The following ATPAF2 variants were observed in gnomAD, a reference collection of about 807,000 sequenced individuals.
The protein encoded by ATPAF2 is ATP synthase mitochondrial F1 complex assembly factor 2.
Under a neutral mutation model 36.6 loss-of-function variants are expected in ATPAF2, and 30 were observed. That is an observed-to-expected ratio of 0.82 (90% CI 0.61 to 1.11). The LOEUF (loss-of-function observed/expected upper bound fraction) is 1.11, where lower values mean the gene tolerates loss of function less well. ATPAF2 is among the 50% of genes most tolerant of loss of function. The pLI is 0.00. For synonymous variants in ATPAF2, 140 were observed against 152.6 expected, an observed-to-expected ratio of 0.92 and a Z score of 0.61; for missense variants, 321 against 372.3, an observed-to-expected ratio of 0.86 and a Z score of 1.13.
chr17:18,024,589 C>T (rs1436715866), intron 5 of ATPAF2, 35 bp downstream of exon 5: 1 of 1,582,168 alleles, frequency 6.3e-7, no homozygotes, highest in Non-Finnish European at 8.7e-7. Flanking sequence ...ACGCAGGTGC[C>T]CAGTCAGTGC....
chr17:18,018,662 A>G lies in ATPAF2; in HGVS notation c.757T>C (p.Trp253Arg), dbSNP rs2044420489. The change falls in exon 8 of 8, where the codon TGG (tryptophan) becomes CGG (arginine). Residue 253 changes from tryptophan to arginine, a missense_variant. Physicochemically the swap from Trp to Arg is moderately radical, Grantham distance 101. This residue lies in a region of ATPAF2 where 199 missense variants were observed against 220.6 expected (regional missense o/e 0.90). Transcript: ENST00000474627. Reference sequence around the variant, plus strand: ...TCCTGCAGCTCATAGTCATGGGCCCACTCAATGTTGCCCCACTTCTGGATC... The same window carrying G: ...TCCTGCAGCTCATAGTCATGGGCCCGCTCAATGTTGCCCCACTTCTGGATC... ...YQIQKWGNIE[W>R]AHDYELQELR... 1.2e-6 allele frequency: 2 copies of G among 1,613,964 alleles called. No homozygotes were observed. The highest frequency in any genetic ancestry group is 2.2e-5 in the South Asian group (2 of 91,080).
rs183327614 is a variant in ATPAF2, at chr17:18,018,227, G to T, written c.*322C>A. On this transcript the variant is annotated 3_prime_UTR_variant, in exon 8 of 8. Transcript: ENST00000474627. ...TAGACAAAACAGGAAGAATGGAGAA[G>T]TGCAGAGGCATACGTGAAAACAGGG... 1.7e-5 allele frequency: 7 copies of T among 406,554 alleles called. No individual in the cohort carries two copies. In the Admixed American group the frequency reaches 1.8e-4, roughly 10 times the overall value. 25.2% of individuals were successfully genotyped at this position (406,554 alleles called of 1,614,324 possible).
Position 18,028,215 on chromosome 17 carries a change from C to T in ATPAF2, c.324+17G>A. 1.2e-6 allele frequency: 2 copies of T among 1,614,190 alleles called. No individual in the cohort carries two copies. Among genetic ancestry groups the T allele is most frequent in the South Asian group, 1.1e-5 (1 of 91,084 alleles). ...GGGTGGGTCTCAGGGTCCAGGTTCA[C>T]ACTGTGAACTTGTTACCAGGTGCAT... On this transcript the variant is annotated intron_variant, in intron 3 of 7. Coordinates refer to ENST00000474627, the MANE Select transcript of ATPAF2 (RefSeq NM_145691.4).
At position 18,021,729 on chromosome 17, in the gene ATPAF2, G is replaced by C; in HGVS notation, c.616+16C>G. The C allele has an allele frequency of 1.2e-6, 2 of 1,611,344 alleles. No homozygotes were observed. Among genetic ancestry groups the C allele is most frequent in the Middle Eastern group, 1.8e-4 (1 of 5,624 alleles). ...TCACAGCCACCTGCCAAGCCCACAA[G>C]AAACTCCATACATGCCTTGTAAAGC... On this transcript the variant is annotated intron_variant, in intron 6 of 7. Coordinates refer to ENST00000474627, the MANE Select transcript of ATPAF2 (RefSeq NM_145691.4).
intron 3 of ATPAF2, 29 bp downstream of exon 3, chr17:18,028,203 G>C: frequency 6.2e-7 from 1 of 1,614,104 alleles, no homozygotes; most frequent in East Asian, 2.2e-5. Context: ...TGGGTCTCAG[G>C]GTCCAGGTTC....
At chr17:18,031,959 T>C (rs1318773909) in intron 1 of ATPAF2, among the ~76,000 whole-genome samples, 1 of 152,200 alleles carries the variant, frequency 6.6e-6, no homozygotes, top group Non-Finnish European at 1.5e-5. Flanking sequence ...CCTGGTCATA[T>C]CCAAATGGCA....
intron 1 of ATPAF2, among the ~76,000 whole-genome samples, chr17:18,033,476 T>C (rs1377727425): frequency 6.6e-6 from 1 of 151,634 alleles, no homozygotes; most frequent in Non-Finnish European, 1.5e-5. Flanking sequence ...GAAGCTTCCA[T>C]GTTCTCGGTG....
chr17:18,037,047 G>C (rs973450638), intron 1 of ATPAF2, among the ~76,000 whole-genome samples: 1 of 151,924 alleles, frequency 6.6e-6, no homozygotes, highest in Non-Finnish European at 1.5e-5. Flanking sequence ...TGCCAGCCTG[G>C]GTGACAAGTG....
intron 1 of ATPAF2, 46 bp downstream of exon 1, chr17:18,038,835 T>A (rs560189953): frequency 1.2e-6 from 2 of 1,609,430 alleles, no homozygotes; most frequent in Non-Finnish European, 1.7e-6. Flanking sequence ...GAAGCCCACC[T>A]TACCCCAGCT....
At chr17:18,016,428 G>A, downstream of ATPAF2, 1 of 791,858 alleles carries the variant, frequency 1.3e-6, no homozygotes, top group Non-Finnish European at 2.0e-6. Flanking sequence ...GCAGAACCTG[G>A]GGAGGCGCTG....
At position 18,038,977 on chromosome 17, in the gene ATPAF2, G is replaced by T. The variant is rs1001215448; in HGVS notation, c.37C>A (p.Arg13Ser). ...RSCLRLRDGGRRLLNRPAGGP... is the reference protein window; with the variant it reads ...RSCLRLRDGGSRLLNRPAGGP... The stretch of plus-strand genomic sequence containing the variant: ...CCCGCCGGCCGATTCAGGAGACGGC[G>T]TCCCCCGTCCCGCAGCCGGAGGCAG... The change falls in exon 1 of 8, where the codon CGC becomes AGC. Residue 13 changes from arginine to serine, a missense_variant. This residue lies in a region of ATPAF2 where 69 missense variants were observed against 60.1 expected (regional missense o/e 1.15). Transcript: ENST00000474627. 1.9e-6 allele frequency: 3 copies of T among 1,612,128 alleles called. No homozygotes were observed. The highest frequency in any genetic ancestry group is 2.5e-6 in the Non-Finnish European group (3 of 1,179,214).
In ATPAF2 at chr17:18,018,373, G is replaced by T. The variant is rs2044414658; in HGVS notation, c.*176C>A. ...GCCAGGGGCACCTGGGTTGAAATCAGGCTGACCTCCGGACAGCCGTACTAG... is the reference window on the plus strand; with the variant it reads ...GCCAGGGGCACCTGGGTTGAAATCATGCTGACCTCCGGACAGCCGTACTAG... On this transcript the variant is annotated 3_prime_UTR_variant, in exon 8 of 8. Coordinates refer to ENST00000474627, the MANE Select transcript of ATPAF2 (RefSeq NM_145691.4). The T allele has an allele frequency of 3.5e-6, 3 of 851,644 alleles. No homozygotes were observed. Among genetic ancestry groups the T allele is most frequent in the Middle Eastern group, 3.6e-4 (1 of 2,768 alleles). The allele number at this position is 851,644 out of a possible 1,614,324, so 52.8% of individuals were successfully genotyped here.
At chr17:18,016,528 A>T (rs778401928), downstream of ATPAF2, 3 of 1,456,012 alleles carry the variant, frequency 2.1e-6, no homozygotes, top group Admixed American at 5.1e-5. Flanking sequence ...GATCTGATGT[A>T]AGGAATCGGG....
chr17:18,032,098 G>A (rs1429033084), intron 1 of ATPAF2, among the ~76,000 whole-genome samples: 1 of 152,216 alleles, frequency 6.6e-6, no homozygotes, highest in African/African-American at 2.4e-5. Context: ...AGGAAGTTGG[G>A]AAGGGCTCTG....
At chr17:18,021,478 T>C in intron 6 of ATPAF2, 1 of 633,278 alleles carries the variant, frequency 1.6e-6, no homozygotes, top group Non-Finnish European at 2.9e-6. Context: ...CCCAGTCTAG[T>C]GATTGGTTCA....
At chr17:18,015,485 T>G, downstream of ATPAF2, 1 of 152,606 alleles carries the variant, frequency 6.6e-6, no homozygotes, top group Admixed American at 6.5e-5. Flanking sequence ...TAGAAGGTGG[T>G]TGTTTCTAAC....
intron 1 of ATPAF2, among the ~76,000 whole-genome samples, chr17:18,037,244 G>A (rs1168343580): frequency 6.6e-6 from 1 of 152,026 alleles, no homozygotes; most frequent in Admixed American, 6.6e-5. Flanking sequence ...GAGTCCTGCA[G>A]GTGAAACTTC....
chr17:18,024,974 C>T (rs1403688470), intron 4 of ATPAF2: 2 of 484,492 alleles, frequency 4.1e-6, no homozygotes, highest in Non-Finnish European at 7.5e-6. Context: ...TTAACAAGCC[C>T]TCTAGGGGAT....
chr17:18,025,538 G>A (rs2044531071), intron 4 of ATPAF2: 1 of 154,900 alleles, frequency 6.5e-6, no homozygotes, highest in Non-Finnish European at 1.4e-5. Flanking sequence ...TCTCACCCTA[G>A]TAGGGCACAG....
Sources: allele counts gnomAD v4.1 joint callset (sites outside exome capture counted in the v4.1 genomes callset), GRCh38; gene constraint gnomAD v4.1.1; regional missense constraint gnomAD v4.1.1; transcripts MANE v1.5; gene names NCBI Gene and HGNC (gene_info 2026-07-23, HGNC 2026-07-21).